Variants in EPHA5 observed in about 807,000 individuals in gnomAD.
EPHA5 encodes ephrin type-A receptor 5.
A neutral mutation model predicts 105.0 loss-of-function variants in EPHA5; 60 were observed. That is an observed-to-expected ratio of 0.57 (90% CI 0.46 to 0.71). EPHA5 has a LOEUF of 0.71. Ranked by LOEUF, EPHA5 falls within the 30% of genes least tolerant of loss-of-function variation. The pLI, the probability that EPHA5 is intolerant of heterozygous loss-of-function variation, is 0.00. For synonymous variants in EPHA5, 513 were observed against 449.1 expected, an observed-to-expected ratio of 1.14 and a Z score of -1.80; for missense variants, 1,218 against 1,274.7, an observed-to-expected ratio of 0.96 and a Z score of 0.68.
chr4:65,350,252 T>A (rs571730022), intron 13 of EPHA5, among the ~76,000 whole-genome samples: 1 of 151,990 alleles, frequency 6.6e-6, no homozygotes, highest in Non-Finnish European at 1.5e-5. Context: ...AGGAAGGATA[T>A]CCCCCTAAAT....
chr4:65,593,351 A>G (rs1742859400), intron 3 of EPHA5, among the ~76,000 whole-genome samples: 1 of 152,138 alleles, frequency 6.6e-6, no homozygotes, highest in African/African-American at 2.4e-5. Context: ...AGATAAATAA[A>G]TTACTGTTCT....
At chr4:65,546,856 CTT>C (rs34430347) in intron 3 of EPHA5, among the ~76,000 whole-genome samples, 3 of 151,596 alleles carry the variant, frequency 2.0e-5, no homozygotes, top group East Asian at 3.9e-4. Context: ...AAAGTAACTC[CTT>C]TTTTTTTGTT....
intron 11 of EPHA5, among the ~76,000 whole-genome samples, chr4:65,361,506 C>G (rs966798748): frequency 1.3e-5 from 2 of 151,274 alleles, no homozygotes; most frequent in Non-Finnish European, 3.0e-5. Flanking sequence ...ATGGAGTGGA[C>G]TAAAGTGGAA....
At chr4:65,401,466 A>T (rs80204422) in intron 8 of EPHA5, among the ~76,000 whole-genome samples, 3,887 of 152,198 alleles carry the variant, frequency 0.026, 170 homozygotes, top group African/African-American at 0.088. Flanking sequence ...AGATGTTTCT[A>T]TCACATGACA....
At chr4:65,487,292 G>A (rs929360269) in intron 5 of EPHA5, among the ~76,000 whole-genome samples, 1 of 152,062 alleles carries the variant, frequency 6.6e-6, no homozygotes, top group African/African-American at 2.4e-5. Context: ...TTCATTCCTC[G>A]GGATAGACTG....
chr4:65,636,531 A>G (rs368732652), intron 2 of EPHA5, among the ~76,000 whole-genome samples: 41 of 151,436 alleles, frequency 2.7e-4, no homozygotes, highest in South Asian at 6.2e-4. Context: ...TTTTTTTTTC[A>G]TCTACAAACA....
At chr4:65,414,790 A>G (rs1257130592) in intron 6 of EPHA5, among the ~76,000 whole-genome samples, 1 of 152,050 alleles carries the variant, frequency 6.6e-6, no homozygotes, top group African/African-American at 2.4e-5. Context: ...TTTTCCCTCC[A>G]ATATAGTTAA....
intron 3 of EPHA5, among the ~76,000 whole-genome samples, chr4:65,576,096 AAG>A (rs1262586340): frequency 2.1e-5 from 2 of 96,958 alleles, no homozygotes; most frequent in Non-Finnish European, 2.1e-5. Flanking sequence ...AAGAAAAGAA[AAG>A]AAAAGAAAAG....
chr4:65,391,416 A>G (rs1226123903), intron 8 of EPHA5, among the ~76,000 whole-genome samples: 1 of 152,162 alleles, frequency 6.6e-6, no homozygotes, highest in Non-Finnish European at 1.5e-5. Context: ...GTAAGACCTT[A>G]TAAAGCACAG....
At chr4:65,641,149 G>A (rs376792943) in intron 2 of EPHA5, among the ~76,000 whole-genome samples, 12 of 152,258 alleles carry the variant, frequency 7.9e-5, no homozygotes, top group African/African-American at 1.9e-4. Context: ...GCTGGGAAGA[G>A]TCTCCTACTT....
Position 65,476,127 on chromosome 4 carries a change from A to AGAGAGT in EPHA5, c.1402+14249_1402+14250insACTCTC, listed in dbSNP as rs1425495059. ...GAGAGAGAGAGAGAGAGAGAGAGAG[A>AGAGAGT]GTGTGTGTGTGTGTGTGTGTGTGTG... On this transcript the variant is annotated intron_variant, in intron 5 of 16. Coordinates refer to ENST00000613740, the MANE Select transcript of EPHA5 (RefSeq NM_001281766.3). 8.8e-3 allele frequency among the ~76,000 whole-genome samples: 1,049 copies of AGAGAGT among 119,176 alleles called. 46 individuals carry two copies. In the East Asian group the frequency reaches 0.15, roughly 17 times the overall value. 78.2% of individuals were successfully genotyped at this position (119,176 alleles called of 152,430 possible).
At position 65,328,572 on chromosome 4, in the gene EPHA5, C is replaced by T. The variant is rs530538979; in HGVS notation, c.2945+3401G>A. Among the ~76,000 whole-genome samples the T allele has an allele frequency of 4.6e-5, 7 of 151,260 alleles. No individual in the cohort carries two copies. In the South Asian group the frequency reaches 1.5e-3, roughly 31 times the overall value. ...TGGCTGGATAGGAGAAGGGAGAAGA[C>T]AGATTAATGAATATTCCCCAAACTT... On this transcript the variant is annotated intron_variant, in intron 16 of 16. Coordinates refer to ENST00000613740, the MANE Select transcript of EPHA5 (RefSeq NM_001281766.3).
At chr4:65,621,250 T>C (rs558563022) in intron 2 of EPHA5, among the ~76,000 whole-genome samples, 2 of 152,174 alleles carry the variant, frequency 1.3e-5, no homozygotes, top group African/African-American at 4.8e-5. Context: ...TCTTTACATA[T>C]GCCTGTTTTG....
At chr4:65,584,311 T>G (rs1741915760) in intron 3 of EPHA5, among the ~76,000 whole-genome samples, 1 of 151,986 alleles carries the variant, frequency 6.6e-6, no homozygotes. Context: ...ATATCTTAAT[T>G]GAAAATGCCA....
chr4:65,405,854 AT>A (rs1345998870), intron 7 of EPHA5, among the ~76,000 whole-genome samples: 2 of 151,810 alleles, frequency 1.3e-5, no homozygotes, highest in Non-Finnish European at 2.9e-5. Flanking sequence ...TGCTTTATTA[AT>A]CTCTAAACTC....
chr4:65,621,047 C>T (rs1745664550), intron 2 of EPHA5, among the ~76,000 whole-genome samples: 1 of 152,034 alleles, frequency 6.6e-6, no homozygotes, highest in Non-Finnish European at 1.5e-5. Context: ...CCATGATACA[C>T]TGAAATTCAT....
intron 3 of EPHA5, among the ~76,000 whole-genome samples, chr4:65,537,012 G>C (rs1008593697): frequency 6.6e-6 from 1 of 151,576 alleles, no homozygotes; most frequent in East Asian, 1.9e-4. Context: ...ACTCTAATTG[G>C]GTCAGACTAT....
chr4:65,651,448 CTA>C (rs1380258638), intron 1 of EPHA5, among the ~76,000 whole-genome samples: 5 of 152,140 alleles, frequency 3.3e-5, no homozygotes, highest in African/African-American at 1.2e-4. Context: ...GTTCCAGTGT[CTA>C]TTCTCCTTCC....
intron 15 of EPHA5, 142 bp from the exon 16 acceptor site, chr4:65,332,270 G>A (rs1183214068): frequency 3.3e-6 from 2 of 598,326 alleles, no homozygotes; most frequent in African/African-American, 1.9e-5. Context: ...TGCTAATATG[G>A]AAGAAAATAA....
Sources: gnomAD v4.1 joint callset for allele counts (sites outside exome capture counted in the v4.1 genomes callset) on GRCh38, gnomAD v4.1.1 for gene constraint, MANE v1.5 for transcripts, NCBI Gene and HGNC (gene_info 2026-07-23, HGNC 2026-07-21) for gene names.